SCARA5: variants seen among roughly 807,000 people sequenced by gnomAD.
The protein encoded by SCARA5 is scavenger receptor class A member 5, also known as scavenger receptor class A, member 5 (putative).
Under a neutral mutation model 46.3 loss-of-function variants are expected in SCARA5, and 45 were observed. That is an observed-to-expected ratio of 0.97 (90% CI 0.76 to 1.24). The LOEUF (loss-of-function observed/expected upper bound fraction) is 1.24, where lower values mean the gene tolerates loss of function less well. Among genes scored for constraint, SCARA5 ranks in the 50% most tolerant of loss-of-function variants. SCARA5 has a pLI of 0.00. For synonymous variants in SCARA5, 333 were observed against 306.5 expected (o/e 1.09, Z -0.90); for missense variants, 680 against 689.0 (o/e 0.99, Z 0.15).
intron 2 of SCARA5, among the ~76,000 whole-genome samples, chr8:27,974,923 CAA>C (rs35826854): frequency 3.3e-5 from 5 of 151,840 alleles, no homozygotes; most frequent in African/African-American, 1.2e-4. Context: ...TGAATCCTGG[CAA>C]AAAAAAATCT....
chr8:27,984,097 C>G (rs1250261685), intron 2 of SCARA5, among the ~76,000 whole-genome samples: 2 of 152,050 alleles, frequency 1.3e-5, no homozygotes, highest in East Asian at 3.9e-4. Context: ...CCAACTTCCC[C>G]CTCCTCCCTC....
At chr8:27,919,412 G>T (rs1807545998) in intron 4 of SCARA5, among the ~76,000 whole-genome samples, 1 of 152,064 alleles carries the variant, frequency 6.6e-6, no homozygotes, top group South Asian at 2.1e-4. Flanking sequence ...CCCACAGCAA[G>T]ACCATGTATG....
At chr8:27,913,141 G>T (rs1807403979) in intron 4 of SCARA5, among the ~76,000 whole-genome samples, 2 of 152,186 alleles carry the variant, frequency 1.3e-5, no homozygotes, top group African/African-American at 2.4e-5. Flanking sequence ...CCAAGGAGAG[G>T]CAGGGCTCAA....
In SCARA5 at chr8:27,921,807, A is replaced by G. The variant is rs1415306444; in HGVS notation, c.680T>C (p.Leu227Pro). 1.3e-6 allele frequency: 2 copies of G among 1,557,966 alleles called. No homozygotes were observed. The highest frequency in any genetic ancestry group is 4.7e-5 in the East Asian group (2 of 42,288). Residue 227 changes from leucine (L) to proline (P), a missense_variant, in exon 4 of 9, where the codon CTG becomes CCG. Transcript: ENST00000354914. ...GGACAGGCTGTGGTTGAGGCCGCGCAGCACGCCGCCCACGTCGGCCAGCTC... is the reference window on the plus strand; with the variant it reads ...GGACAGGCTGTGGTTGAGGCCGCGCGGCACGCCGCCCACGTCGGCCAGCTC... ...GEELADVGGV[L>P]RGLNHSLSYD...
At chr8:27,914,538 T>C (rs1170809577) in intron 4 of SCARA5, among the ~76,000 whole-genome samples, 1 of 152,264 alleles carries the variant, frequency 6.6e-6, no homozygotes, top group Non-Finnish European at 1.5e-5. Flanking sequence ...CTGTGGCCTG[T>C]GCCTTGCACA....
chr8:27,924,401 T>G (rs1402785832), intron 3 of SCARA5, among the ~76,000 whole-genome samples: 1 of 152,258 alleles, frequency 6.6e-6, no homozygotes, highest in Non-Finnish European at 1.5e-5. Context: ...TGTTACAATC[T>G]TTCAGTGATG....
intron 2 of SCARA5, among the ~76,000 whole-genome samples, chr8:27,978,191 T>A (rs62496820): frequency 8.7e-6 from 1 of 114,752 alleles, no homozygotes; most frequent in African/African-American, 3.1e-5. Flanking sequence ...CACATCCGGC[T>A]AATTTTTTTT....
intron 3 of SCARA5, among the ~76,000 whole-genome samples, chr8:27,938,962 TTC>T (rs1807900059): frequency 1.3e-5 from 2 of 152,210 alleles, no homozygotes; most frequent in African/African-American, 2.4e-5. Flanking sequence ...TGCAGAGATA[TTC>T]TCTGTTTATG....
intron 7 of SCARA5, among the ~76,000 whole-genome samples, chr8:27,896,171 A>G (rs7817722): frequency 0.15 from 22,839 of 152,168 alleles, 1,867 homozygotes; most frequent in African/African-American, 0.21. Context: ...CCAGGAGAAG[A>G]CAGTGATGCT....
intron 3 of SCARA5, among the ~76,000 whole-genome samples, chr8:27,943,774 G>A (rs1030795762): frequency 6.6e-6 from 1 of 152,210 alleles, no homozygotes; most frequent in African/African-American, 2.4e-5. Context: ...GACCACCTTT[G>A]TAATAACTGA....
chr8:27,886,043 T>A (rs1324711022), intron 7 of SCARA5: 1 of 154,720 alleles, frequency 6.5e-6, no homozygotes, highest in Non-Finnish European at 1.5e-5. Context: ...CCTGCAGGGC[T>A]CCTATGGTCT....
intron 8 of SCARA5, 150 bp from the exon 9 acceptor site, chr8:27,872,220 C>T (rs1806651217): frequency 2.9e-6 from 2 of 695,950 alleles, no homozygotes; most frequent in South Asian, 1.9e-5. Flanking sequence ...CCCCGAAGAC[C>T]TCATACTTAT....
chr8:27,933,267 A>G (rs1240539128), intron 3 of SCARA5, among the ~76,000 whole-genome samples: 1 of 152,028 alleles, frequency 6.6e-6, no homozygotes, highest in African/African-American at 2.4e-5. Context: ...CACGCCTGTA[A>G]TCCTAGCACT....
chr8:27,959,649 C>T (rs938694387), intron 3 of SCARA5, among the ~76,000 whole-genome samples: 3 of 152,288 alleles, frequency 2.0e-5, no homozygotes, highest in South Asian at 2.1e-4. Flanking sequence ...GATGAGCAAT[C>T]GTGAGGATGA....
chr8:27,914,473 C>A (rs548129237), intron 4 of SCARA5, among the ~76,000 whole-genome samples: 2 of 152,202 alleles, frequency 1.3e-5, no homozygotes, highest in African/African-American at 4.8e-5. Context: ...TGGGCACTAT[C>A]CCCCACCTCG....
At chr8:27,968,534 C>T (rs925231180) in intron 2 of SCARA5, among the ~76,000 whole-genome samples, 1 of 152,110 alleles carries the variant, frequency 6.6e-6, no homozygotes, top group Non-Finnish European at 1.5e-5. Flanking sequence ...TATTTTTTTC[C>T]TTCTGGTGAG....
intron 7 of SCARA5, among the ~76,000 whole-genome samples, chr8:27,885,801 A>T (rs1806886002): frequency 6.6e-6 from 1 of 152,224 alleles, no homozygotes; most frequent in Non-Finnish European, 1.5e-5. Context: ...TGGCTGTCAG[A>T]TGATCATGGT....
intron 7 of SCARA5, among the ~76,000 whole-genome samples, chr8:27,892,380 A>G (rs553518745): frequency 1.1e-4 from 17 of 152,160 alleles, no homozygotes; most frequent in Non-Finnish European, 1.9e-4. Context: ...GGGACTGGAA[A>G]AGCCTGAAGA....
rs1159898792 is a variant in SCARA5, at chr8:27,896,504, T to C, written c.1153+8274A>G. On this transcript the variant is annotated intron_variant, in intron 7 of 8. Coordinates refer to ENST00000354914, the MANE Select transcript of SCARA5 (RefSeq NM_173833.6). Reference sequence around the variant, plus strand: ...GGGTGAGGAGTGTAAACTCTCAGCATGGTTCCCTCCTCAGTTAGATGGGAT... The same window carrying C: ...GGGTGAGGAGTGTAAACTCTCAGCACGGTTCCCTCCTCAGTTAGATGGGAT... Among the ~76,000 whole-genome samples the C allele has an allele frequency of 2.6e-5, 4 of 152,194 alleles. No homozygotes were observed. In the East Asian group the frequency reaches 7.7e-4, roughly 29 times the overall value.
Sources: gnomAD v4.1 joint callset for allele counts (sites outside exome capture counted in the v4.1 genomes callset) on GRCh38, gnomAD v4.1.1 for gene constraint, MANE v1.5 for transcripts, NCBI Gene and HGNC (gene_info 2026-07-23, HGNC 2026-07-21) for gene names.